MATN2: variants seen among roughly 807,000 people sequenced by gnomAD.
The protein encoded by MATN2 is matrilin 2, also known as matrilin-2.
Under a neutral mutation model 103.2 loss-of-function variants are expected in MATN2, and 69 were observed. That is an observed-to-expected ratio of 0.67 (90% CI 0.55 to 0.82). MATN2 has a LOEUF of 0.82. Among genes scored for constraint, MATN2 ranks in the 40% least tolerant of loss-of-function variants. The pLI, the probability that MATN2 is intolerant of heterozygous loss-of-function variation, is 0.00. For missense variants in MATN2, 1,023 were observed against 1,211.5 expected, an observed-to-expected ratio of 0.84 and a Z score of 2.31; for synonymous variants, 429 against 450.2, an observed-to-expected ratio of 0.95 and a Z score of 0.60.
At position 98,007,854 on chromosome 8, in the gene MATN2, G is replaced by A. The variant is rs1813028194; in HGVS notation, c.1573+253G>A. 1.3e-5 allele frequency among the ~76,000 whole-genome samples: 2 copies of A among 152,166 alleles called. No individual in the cohort carries two copies. The highest frequency in any genetic ancestry group is 1.3e-4 in the Admixed American group (2 of 15,276). On this transcript the variant is annotated intron_variant, in intron 10 of 18. Coordinates refer to ENST00000254898, the MANE Select transcript of MATN2 (RefSeq NM_002380.5). The surrounding 1 kb of genome is among the most constrained non-coding windows in gnomAD (Gnocchi z 4.2). Reference sequence around the variant, plus strand: ...CTCCCTGTCATTCTGAAGCTGGACAGAGCCCTTGTCCTCAGCTCTCTCTGC... The same window carrying A: ...CTCCCTGTCATTCTGAAGCTGGACAAAGCCCTTGTCCTCAGCTCTCTCTGC...
intron 6 of MATN2, among the ~76,000 whole-genome samples, chr8:97,983,110 C>T (rs1367591111): frequency 6.6e-6 from 1 of 152,208 alleles, no homozygotes; most frequent in Non-Finnish European, 1.5e-5. Flanking sequence ...ACTCTCGGCA[C>T]TTCATGTAAG....
chr8:97,964,972 A>G (rs1326504155), intron 5 of MATN2, among the ~76,000 whole-genome samples: 3 of 152,042 alleles, frequency 2.0e-5, no homozygotes, highest in Admixed American at 2.0e-4. Context: ...GAGCTCAAGT[A>G]GTCTACCTGC....
chr8:97,926,721 A>C (rs1156390750), intron 2 of MATN2, among the ~76,000 whole-genome samples: 3 of 152,214 alleles, frequency 2.0e-5, no homozygotes, highest in African/African-American at 7.2e-5. Flanking sequence ...CCTAGAATCT[A>C]TGACTCCATT....
chr8:98,033,109 A>G lies in MATN2; in HGVS notation c.2649A>G (p.Arg883=), dbSNP rs764913181. The change falls in exon 17 of 19, where the codon AGA becomes AGG. Residue 883 remains arginine, a synonymous_variant. Transcript: ENST00000254898. ...LSCSNFAVQH[R]YLFEEDNLLR... ...GTTCTAATTTTGCAGTGCAACACAG[A>G]TATCTGTTTGAAGAAGACAATCTTT... 5 of 1,611,870 alleles carry G rather than the reference A, an allele frequency of 3.1e-6. No individual in the cohort carries two copies. The highest frequency in any genetic ancestry group is 4.2e-6 in the Non-Finnish European group (5 of 1,178,904).
intron 2 of MATN2, among the ~76,000 whole-genome samples, chr8:97,928,587 CTGGATT>C (rs1810071832): frequency 6.6e-6 from 1 of 152,116 alleles, no homozygotes; most frequent in African/African-American, 2.4e-5. Context: ...CAGGGCTTGG[CTGGATT>C]TCAGTTCCTC....
At chr8:97,892,422 A>AC (rs998548558) in intron 2 of MATN2, among the ~76,000 whole-genome samples, 2 of 150,532 alleles carry the variant, frequency 1.3e-5, no homozygotes, top group Non-Finnish European at 3.0e-5. Flanking sequence ...TCTCAAAAAA[A>AC]AAAAAAAAAA....
intron 4 of MATN2, among the ~76,000 whole-genome samples, chr8:97,955,655 G>A (rs117634506): frequency 0.031 from 4,766 of 152,302 alleles, 112 homozygotes; most frequent in Middle Eastern, 0.054. Context: ...TGTGTGAAGT[G>A]CATGGCATTA....
At chr8:97,956,967 G>A (rs1811164552) in intron 4 of MATN2, among the ~76,000 whole-genome samples, 1 of 152,182 alleles carries the variant, frequency 6.6e-6, no homozygotes. Context: ...CCAAATACAT[G>A]TGCTAGGACA....
intron 13 of MATN2, among the ~76,000 whole-genome samples, chr8:98,026,928 G>GT (rs1813829285): frequency 6.6e-6 from 1 of 152,152 alleles, no homozygotes; most frequent in Non-Finnish European, 1.5e-5. Context: ...AGTGTTTGGG[G>GT]TATATAGAAA....
intron 6 of MATN2, among the ~76,000 whole-genome samples, chr8:97,989,043 AACTC>A (rs1473787169): frequency 2.0e-5 from 3 of 152,256 alleles, no homozygotes; most frequent in African/African-American, 7.2e-5. Flanking sequence ...TAACATTCAA[AACTC>A]AATCAATGTA....
intron 10 of MATN2, among the ~76,000 whole-genome samples, chr8:98,010,677 G>T (rs1166620957): frequency 6.6e-6 from 1 of 152,180 alleles, no homozygotes; most frequent in African/African-American, 2.4e-5. Context: ...GCTCTCCTTG[G>T]AGGGGCCCCA....
In MATN2 at chr8:98,035,671, CAG is replaced by C. The variant is rs755413199; in HGVS notation, c.2834_2835del (p.Arg945AsnfsTer47). The part of the protein sequence containing the change: ...KLTQRLEEMT[Q>X]RMEALENRLR... The stretch of plus-strand genomic sequence containing the variant: ...TTGAGATTTACTAGAAGAAATGACA[CAG>C]AGAATGGAAGCCCTGGAAAATCGCC... On this transcript the variant is annotated frameshift_variant, in exon 19 of 19. Transcript: ENST00000254898. LOFTEE classifies it high-confidence loss of function. The C allele has an allele frequency of 3.8e-6, 6 of 1,586,550 alleles. No individual in the cohort carries two copies. In the Admixed American group the frequency reaches 8.6e-5, roughly 23 times the overall value.
chr8:97,968,427 T>C (rs1811553336), intron 5 of MATN2, among the ~76,000 whole-genome samples: 1 of 152,262 alleles, frequency 6.6e-6, no homozygotes, highest in African/African-American at 2.4e-5. Context: ...CTGCAAATTT[T>C]CCAAACTCGT....
At chr8:97,887,893 C>T in intron 1 of MATN2, 182 bp from the exon 2 acceptor site, 1 of 533,408 alleles carries the variant, frequency 1.9e-6, no homozygotes, top group Admixed American at 4.0e-5. Flanking sequence ...CTCGGAGCGT[C>T]CAAGAAGAGC....
intron 5 of MATN2, 60 bp downstream of exon 5, chr8:97,961,590 G>T: frequency 3.3e-6 from 5 of 1,517,928 alleles, no homozygotes; most frequent in Non-Finnish European, 4.4e-6. Context: ...GTGAGGAGGA[G>T]GGGAGACTCA....
rs1810170488 is a variant in MATN2 at position 97,931,068 on chromosome 8, C to T, written c.258C>T (p.Phe86=). The stretch of plus-strand genomic sequence containing the variant: ...AGTTCATCGTGGACATCTTGCAATT[C>T]TTGGACATTGGTCCTGATGTCACCC... ...VKEFIVDILQ[F]LDIGPDVTRV... is the part of the protein sequence containing the mutation. The change falls in exon 3 of 19, where the codon TTC becomes TTT. Residue 86 remains phenylalanine (F), a synonymous_variant. Coordinates refer to ENST00000254898, the MANE Select transcript of MATN2 (RefSeq NM_002380.5). This position sits in a 1 kb window ranked among gnomAD's most constrained non-coding sequence, Gnocchi z 4.1. 2 of 1,613,892 alleles carry T rather than the reference C, an allele frequency of 1.2e-6. No homozygotes were observed. The highest frequency in any genetic ancestry group is 1.3e-5 in the African/African-American group (1 of 74,932).
At chr8:97,884,658 C>G (rs1005228766) in intron 1 of MATN2, among the ~76,000 whole-genome samples, 5 of 152,050 alleles carry the variant, frequency 3.3e-5, no homozygotes, top group Admixed American at 2.6e-4. Flanking sequence ...GTAGTCCCAG[C>G]TACTGGGGCG....
intron 2 of MATN2, among the ~76,000 whole-genome samples, chr8:97,893,597 T>A (rs11784037): frequency 0.016 from 1,268 of 77,716 alleles, 21 homozygotes; most frequent in African/African-American, 0.034. Flanking sequence ...TATTTATTTA[T>A]GATAGAGTCT....
rs139198886 is a variant in MATN2, at chr8:98,027,547, G to A, written c.2074G>A (p.Ala692Thr). 68 of 1,613,870 alleles carry A rather than the reference G, an allele frequency of 4.2e-5. No individual in the cohort carries two copies. The Admixed American group carries it at 6.0e-4, about 14-fold the overall frequency. The change falls in exon 14 of 19, where the codon GCT becomes ACT. Residue 692 changes from alanine to threonine, a missense_variant. Ala to Thr is a moderately conservative substitution (Grantham distance 58). Transcript: ENST00000254898. ...TTCCTTGACAATTTCCCCCAAAGCC[G>A]CTCGAGTGGGGCTGCTCCAGTATTC... Reference protein sequence around the residue: ...IDSLTISPKAARVGLLQYSTQ... With the variant: ...IDSLTISPKATRVGLLQYSTQ...
Sources: gnomAD v4.1 joint callset for allele counts (sites outside exome capture counted in the v4.1 genomes callset) on GRCh38, gnomAD v4.1.1 for gene constraint, Gnocchi (gnomAD v3.1) non-coding constraint, MANE v1.5 for transcripts, NCBI Gene and HGNC (gene_info 2026-07-23, HGNC 2026-07-21) for gene names.